Variants in KIAA1217 observed in about 807,000 individuals in gnomAD.
The protein encoded by KIAA1217 is KIAA1217, also known as sickle tail protein homolog.
A neutral mutation model predicts 163.9 loss-of-function variants in KIAA1217; 88 were observed. The observed-to-expected ratio is 0.54, with a 90% CI of 0.45 to 0.64. The LOEUF (loss-of-function observed/expected upper bound fraction) is 0.64. Ranked by LOEUF, KIAA1217 falls within the 30% of genes least tolerant of loss-of-function variation. The pLI, the probability that KIAA1217 is intolerant of heterozygous loss-of-function variation, is 0.00. For synonymous variants in KIAA1217, 903 were observed against 923.1 expected (o/e 0.98, Z 0.39); for missense variants, 2,372 against 2,475.0 (o/e 0.96, Z 0.88).
At chr10:23,729,013 T>C (rs910764328) in intron 1 of KIAA1217, among the ~76,000 whole-genome samples, 2 of 152,214 alleles carry the variant, frequency 1.3e-5, no homozygotes, top group African/African-American at 4.8e-5. Context: ...AGTTTTGCCT[T>C]TTTTTCAGAA....
chr10:24,547,056 C>CTTTTTTTTTTTT lies in KIAA1217; in HGVS notation c.*737_*748dup, dbSNP rs11411265. On this transcript the variant is annotated 3_prime_UTR_variant, in exon 21 of 21. Coordinates refer to ENST00000376454, the MANE Select transcript of KIAA1217 (RefSeq NM_019590.5). The stretch of plus-strand genomic sequence containing the variant: ...GCTTCTTTTCTTTCTTTTTTCCTTC[C>CTTTTTTTTTTTT]TTTTTTTTTTTTTTTTCTTTTTTAA... 7.8e-6 allele frequency: 1 copy of CTTTTTTTTTTTT among 127,946 alleles called. No individual in the cohort carries two copies. Among genetic ancestry groups the CTTTTTTTTTTTT allele is most frequent in the Non-Finnish European group, 1.6e-5 (1 of 62,538 alleles). 7.9% of individuals were successfully genotyped at this position (127,946 alleles called of 1,614,324 possible).
chr10:23,867,643 T>A (rs1176504778), intron 1 of KIAA1217, among the ~76,000 whole-genome samples: 15 of 152,336 alleles, frequency 9.8e-5, no homozygotes, highest in Non-Finnish European at 1.8e-4. Context: ...GCTGCATAAA[T>A]ATCTTCTTTT....
intron 2 of KIAA1217, among the ~76,000 whole-genome samples, chr10:24,350,854 A>AC (rs2048368859): frequency 6.6e-6 from 1 of 151,306 alleles, no homozygotes; most frequent in Non-Finnish European, 1.5e-5. Context: ...GCTAACTGAT[A>AC]AGATCTTAAT....
intron 2 of KIAA1217, among the ~76,000 whole-genome samples, chr10:24,024,143 T>C (rs544449958): frequency 6.6e-5 from 10 of 151,714 alleles, no homozygotes; most frequent in Non-Finnish European, 1.5e-4. Flanking sequence ...TTTATTGAGC[T>C]ATAATTTATA....
At chr10:23,939,230 T>C (rs924800574) in intron 1 of KIAA1217, among the ~76,000 whole-genome samples, 1 of 152,102 alleles carries the variant, frequency 6.6e-6, no homozygotes, top group Non-Finnish European at 1.5e-5. Context: ...AGCAAGAGGA[T>C]AGATTTAAAC....
chr10:24,044,434 G>A (rs1293063661), intron 2 of KIAA1217, among the ~76,000 whole-genome samples: 1 of 152,098 alleles, frequency 6.6e-6, no homozygotes, highest in Non-Finnish European at 1.5e-5. Flanking sequence ...TCTTGACGTA[G>A]CTTATCACGT....
At chr10:24,521,171 T>C (rs372496853) in intron 11 of KIAA1217, among the ~76,000 whole-genome samples, 3 of 149,760 alleles carry the variant, frequency 2.0e-5, no homozygotes, top group African/African-American at 7.4e-5. Flanking sequence ...CTGTCTGTAC[T>C]AAAAATACAA....
At chr10:24,374,811 G>C (rs987995850) in intron 2 of KIAA1217, among the ~76,000 whole-genome samples, 1 of 152,186 alleles carries the variant, frequency 6.6e-6, no homozygotes, top group Admixed American at 6.5e-5. Context: ...TTAGAGATGG[G>C]AGTCTTGTTC....
chr10:23,931,967 C>G (rs1200903441), intron 1 of KIAA1217, among the ~76,000 whole-genome samples: 1 of 152,174 alleles, frequency 6.6e-6, no homozygotes, highest in Non-Finnish European at 1.5e-5. Context: ...TACCAGACTC[C>G]AGAAAAGACC....
intron 1 of KIAA1217, among the ~76,000 whole-genome samples, chr10:23,950,870 G>T (rs980124773): frequency 6.6e-6 from 1 of 152,046 alleles, no homozygotes; most frequent in Non-Finnish European, 1.5e-5. Context: ...TATTTTCAGG[G>T]TCTACTCTAG....
chr10:23,786,328 G>C (rs1221271896), intron 1 of KIAA1217, among the ~76,000 whole-genome samples: 2 of 152,016 alleles, frequency 1.3e-5, no homozygotes, highest in African/African-American at 2.4e-5. Context: ...ATTCCAGGCA[G>C]CATGAGGAAA....
At chr10:23,713,514 T>G (rs1837390466) in intron 1 of KIAA1217, among the ~76,000 whole-genome samples, 1 of 152,164 alleles carries the variant, frequency 6.6e-6, no homozygotes, top group Non-Finnish European at 1.5e-5. Flanking sequence ...TTCTTTGGAA[T>G]AATAATTTAA....
At chr10:24,050,666 T>A (rs909692807) in intron 2 of KIAA1217, among the ~76,000 whole-genome samples, 12 of 152,312 alleles carry the variant, frequency 7.9e-5, no homozygotes, top group Admixed American at 1.3e-4. Context: ...GGCTTATGTA[T>A]CTGTTTTGGT....
At position 24,422,682 on chromosome 10, in the gene KIAA1217, T is replaced by G. The variant is rs568296982; in HGVS notation, c.554-10313T>G. ...TCAATTGATTCTTTCAGCCATTGTT[T>G]AGAGAAATGCCTTGGGATGCTCATT... On this transcript the variant is annotated intron_variant, in intron 3 of 20. Transcript: ENST00000376454. 8.5e-5 allele frequency among the ~76,000 whole-genome samples: 13 copies of G among 152,322 alleles called. No homozygotes were observed. In the South Asian group the frequency reaches 2.7e-3, roughly 32 times the overall value.
At position 23,790,541 on chromosome 10, in the gene KIAA1217, G is replaced by A. The variant is rs1367839209; in HGVS notation, c.-321+95307G>A. On this transcript the variant is annotated intron_variant, in intron 1 of 18. Coordinates refer to the KIAA1217 transcript ENST00000376462. ...TATATATACATATATACATATACAT[G>A]TGCATATATACATATGTACATATGT... Among the ~76,000 whole-genome samples the A allele has an allele frequency of 5.5e-3, 368 of 66,756 alleles. 46 individuals carry two copies. The highest frequency in any genetic ancestry group is 0.025 in the East Asian group (80 of 3,254). 43.8% of individuals were successfully genotyped at this position (66,756 alleles called of 152,430 possible).
chr10:23,934,629 T>A (rs1273721548), intron 1 of KIAA1217, among the ~76,000 whole-genome samples: 16 of 107,770 alleles, frequency 1.5e-4, no homozygotes, highest in South Asian at 2.6e-4. Flanking sequence ...ATATATATTT[T>A]TTTTTTGAGA....
At chr10:23,891,209 A>G (rs1466755298) in intron 1 of KIAA1217, among the ~76,000 whole-genome samples, 1 of 151,982 alleles carries the variant, frequency 6.6e-6, no homozygotes, top group Non-Finnish European at 1.5e-5. Flanking sequence ...CTGCCTTTTA[A>G]GTGTTCAGTC....
At chr10:24,182,051 T>C (rs2066195889) in intron 2 of KIAA1217, among the ~76,000 whole-genome samples, 1 of 152,244 alleles carries the variant, frequency 6.6e-6, no homozygotes, top group Non-Finnish European at 1.5e-5. Context: ...TGTGTTTATC[T>C]ACCAAAAGGG....
chr10:24,196,956 G>A (rs1408138196), intron 2 of KIAA1217, among the ~76,000 whole-genome samples: 1 of 152,080 alleles, frequency 6.6e-6, no homozygotes, highest in African/African-American at 2.4e-5. Flanking sequence ...AAATATTTCT[G>A]GAGTGCCTAC....
Sources: allele counts gnomAD v4.1 joint callset (sites outside exome capture counted in the v4.1 genomes callset), GRCh38; gene constraint gnomAD v4.1.1; transcripts MANE v1.5; gene names NCBI Gene and HGNC (gene_info 2026-07-23, HGNC 2026-07-21).